ANKRD36: variants seen among roughly 807,000 people sequenced by gnomAD.
The protein encoded by ANKRD36 is ankyrin repeat domain-containing protein 36A.
A neutral mutation model predicts 278.1 loss-of-function variants in ANKRD36; 179 were observed. That is an observed-to-expected ratio of 0.64 (90% CI 0.57 to 0.73). The LOEUF (loss-of-function observed/expected upper bound fraction) is 0.73. Ranked by LOEUF, ANKRD36 falls within the 30% of genes least tolerant of loss-of-function variation. The pLI, the probability that ANKRD36 is intolerant of heterozygous loss-of-function variation, is 0.00. For synonymous variants in ANKRD36, 320 were observed against 641.1 expected (o/e 0.50, Z 7.57); for missense variants, 1,159 against 1,956.7 (o/e 0.59, Z 7.69).
intron 42 of ANKRD36, 91 bp from the exon 43 acceptor site, chr2:97,198,372 A>G: frequency 6.5e-7 from 1 of 1,544,186 alleles, no homozygotes. Flanking sequence ...TACAGGCAGG[A>G]GGACAGAGGT....
Position 97,221,719 on chromosome 2 carries a change from G to T in ANKRD36, c.3877+2473G>T, listed in dbSNP as rs1171697281. ...GTAGGTTGTGAAAATTTTCTCCCAT[G>T]TTGTAGGTTGCCTGTTCACTCGGAT... is the stretch of plus-strand genomic sequence containing the variant. On this transcript the variant is annotated intron_variant, in intron 66 of 75. Transcript: ENST00000420699. Among the ~76,000 whole-genome samples, 7 of 150,646 alleles carry T rather than the reference G, an allele frequency of 4.6e-5. No homozygotes were observed. The East Asian group carries it at 6.1e-4, about 13-fold the overall frequency.
chr2:97,131,705 A>G (rs1256236534), intron 6 of ANKRD36, among the ~76,000 whole-genome samples: 1 of 152,010 alleles, frequency 6.6e-6, no homozygotes, highest in Non-Finnish European at 1.5e-5. Flanking sequence ...TTAAGAAAAA[A>G]GATTAGAAAC....
chr2:97,220,302 A>G (rs1204016004), intron 66 of ANKRD36, among the ~76,000 whole-genome samples: 2 of 149,142 alleles, frequency 1.3e-5, no homozygotes, highest in Non-Finnish European at 3.0e-5. Flanking sequence ...GACTGTAGTC[A>G]TGTTTTTGTG....
chr2:97,231,938 A>G (rs1448344223), intron 67 of ANKRD36, among the ~76,000 whole-genome samples: 4 of 152,098 alleles, frequency 2.6e-5, no homozygotes, highest in African/African-American at 2.4e-5. Flanking sequence ...GTGCCTTTAT[A>G]GTACCACAAG....
At chr2:97,190,950 T>G (rs542067900) in intron 34 of ANKRD36, 28 bp from the exon 35 acceptor site, 5 of 1,601,552 alleles carry the variant, frequency 3.1e-6, no homozygotes, top group East Asian at 4.5e-5. Context: ...TATATATGAG[T>G]GATTATGTAT....
chr2:97,173,601 C>T lies in ANKRD36; in HGVS notation c.1633+5834C>T, dbSNP rs574235859. 4.6e-5 allele frequency among the ~76,000 whole-genome samples: 7 copies of T among 151,822 alleles called. No homozygotes were observed. In the East Asian group the frequency reaches 5.8e-4, roughly 13 times the overall value. On this transcript the variant is annotated intron_variant, in intron 22 of 75. Transcript: ENST00000420699. ...AGTGGTGGTGAAAATAATGAAGAAA[C>T]GAATGTGGAGGTCAAAGAATCAAGT... is the stretch of plus-strand genomic sequence containing the variant.
At chr2:97,133,286 A>G (rs2040639984) in intron 6 of ANKRD36, among the ~76,000 whole-genome samples, 1 of 151,998 alleles carries the variant, frequency 6.6e-6, no homozygotes, top group South Asian at 2.1e-4. Flanking sequence ...CATTTGCGTC[A>G]GTTGCAACTT....
At chr2:97,122,010 T>G (rs1460086198) in intron 3 of ANKRD36, among the ~76,000 whole-genome samples, 1 of 141,650 alleles carries the variant, frequency 7.1e-6, no homozygotes, top group East Asian at 2.0e-4. Context: ...GAAGCCTATC[T>G]CTATTAATTC....
At chr2:97,129,706 C>G (rs2039575763) in intron 6 of ANKRD36, among the ~76,000 whole-genome samples, 1 of 152,048 alleles carries the variant, frequency 6.6e-6, no homozygotes, top group African/African-American at 2.4e-5. Flanking sequence ...CCAGTTTTCC[C>G]AGCACCATTT....
At chr2:97,203,392 ATATAT>A (rs1222425170) in intron 48 of ANKRD36, among the ~76,000 whole-genome samples, 2 of 151,838 alleles carry the variant, frequency 1.3e-5, no homozygotes, top group Non-Finnish European at 2.9e-5. Context: ...ATTGAGGCTA[ATATAT>A]TATCCCTTCG....
At chr2:97,176,571 CTT>C (rs1160137552) in intron 22 of ANKRD36, among the ~76,000 whole-genome samples, 7 of 148,298 alleles carry the variant, frequency 4.7e-5, no homozygotes, top group African/African-American at 1.7e-4. Context: ...GATCTTGACT[CTT>C]TATCCAATTT....
chr2:97,144,283 CAT>C (rs200854410), intron 8 of ANKRD36, among the ~76,000 whole-genome samples: 1,927 of 152,300 alleles, frequency 0.013, 6 homozygotes, highest in Non-Finnish European at 0.014. Context: ...TAGTAATAGA[CAT>C]GTGAAGAATA....
At position 97,118,053 on chromosome 2, in the gene ANKRD36, C is replaced by T; in HGVS notation, c.198-11C>T. The T allele has an allele frequency of 7.1e-6, 11 of 1,549,278 alleles. No individual in the cohort carries two copies. Among genetic ancestry groups the T allele is most frequent in the Non-Finnish European group, 9.6e-6 (11 of 1,145,896 alleles). On this transcript the variant is annotated splice_polypyrimidine_tract_variant and intron_variant, in intron 1 of 75. Coordinates refer to ENST00000420699, the MANE Select transcript of ANKRD36 (RefSeq NM_001354587.1). ...AGTTACATGTTTTAAAAAGTCCTGT[C>T]ACTCTCACAGGACCGCCCTACATTT...
Position 97,216,714 on chromosome 2 carries a change from A to G in ANKRD36, c.3674-463A>G. ...GTACATTCAACTGAAGTGTCATTGTAATTGTGTACCTTCTCAGTTATGGGG... is the reference window on the plus strand; with the variant it reads ...GTACATTCAACTGAAGTGTCATTGTGATTGTGTACCTTCTCAGTTATGGGG... On this transcript the variant is annotated intron_variant, in intron 62 of 75. Coordinates refer to ENST00000420699, the MANE Select transcript of ANKRD36 (RefSeq NM_001354587.1). 1.8e-5 allele frequency: 6 copies of G among 341,688 alleles called. No homozygotes were observed. In the South Asian group the frequency reaches 1.9e-4, roughly 11 times the overall value. 21.2% of individuals were successfully genotyped at this position (341,688 alleles called of 1,614,324 possible).
chr2:97,164,178 CA>C, intron 18 of ANKRD36, 104 bp from the exon 19 acceptor site: 2 of 1,489,848 alleles, frequency 1.3e-6, no homozygotes, highest in Non-Finnish European at 1.8e-6. Context: ...GTAACAATTT[CA>C]AGGGCAAGCA....
intron 11 of ANKRD36, among the ~76,000 whole-genome samples, chr2:97,146,941 A>G (rs2153457534): frequency 6.6e-6 from 1 of 152,074 alleles, no homozygotes; most frequent in Non-Finnish European, 1.5e-5. Context: ...AGAAGCCTAG[A>G]TACTCCAAAA....
intron 75 of ANKRD36, among the ~76,000 whole-genome samples, chr2:97,263,261 T>C (rs1165201495): frequency 0.024 from 3,067 of 128,066 alleles, 24 homozygotes; most frequent in South Asian, 0.055. Flanking sequence ...ACTGCACCAT[T>C]TTGCATTCCC....
At chr2:97,168,632 G>A (rs564719177) in intron 22 of ANKRD36, among the ~76,000 whole-genome samples, 53 of 151,408 alleles carry the variant, frequency 3.5e-4, no homozygotes, top group African/African-American at 1.3e-3. Flanking sequence ...GACAGGCCCC[G>A]GTGTGTGATG....
chr2:97,231,240 C>G (rs1226478674), intron 67 of ANKRD36, among the ~76,000 whole-genome samples: 1 of 152,274 alleles, frequency 6.6e-6, no homozygotes, highest in East Asian at 2.0e-4. Context: ...GCCCTGCCCC[C>G]AGAGGTGGAG....
Sources: allele counts gnomAD v4.1 joint callset (sites outside exome capture counted in the v4.1 genomes callset), GRCh38; gene constraint gnomAD v4.1.1; transcripts MANE v1.5; gene names NCBI Gene and HGNC (gene_info 2026-07-23, HGNC 2026-07-21).